ABI2: variants seen among roughly 807,000 people sequenced by gnomAD.
ABI2 encodes abl interactor 2.
In ABI2, 25 loss-of-function variants were observed where a neutral mutation model predicts 59.2. That is an observed-to-expected ratio of 0.42 (90% CI 0.31 to 0.59). ABI2 has a LOEUF of 0.59. Ranked by LOEUF, ABI2 falls within the 20% of genes least tolerant of loss-of-function variation. The pLI, the probability that ABI2 is intolerant of heterozygous loss-of-function variation, is 0.14. For missense variants in ABI2, 545 were observed against 681.8 expected, an observed-to-expected ratio of 0.80 and a Z score of 2.23; for synonymous variants, 213 against 235.5, an observed-to-expected ratio of 0.90 and a Z score of 0.87.
chr2:203,368,062 T>A (rs2094651719), intron 2 of ABI2, among the ~76,000 whole-genome samples: 1 of 152,168 alleles, frequency 6.6e-6, no homozygotes, highest in Non-Finnish European at 1.5e-5. Flanking sequence ...AGAATAGGTA[T>A]AAAATTTTGG....
At chr2:203,338,433 C>T (rs2077431541) in intron 1 of ABI2, among the ~76,000 whole-genome samples, 1 of 151,884 alleles carries the variant, frequency 6.6e-6, no homozygotes, top group African/African-American at 2.4e-5. Context: ...TGATGTAGCA[C>T]CATCCCTTTA....
At chr2:203,372,764 C>T (rs2095362244) in intron 2 of ABI2, among the ~76,000 whole-genome samples, 1 of 150,548 alleles carries the variant, frequency 6.6e-6, no homozygotes, top group African/African-American at 2.5e-5. Flanking sequence ...GGGGCGGTTG[C>T]CAGGCGGAGG....
At chr2:203,359,847 G>GC (rs1294918451) in intron 1 of ABI2, among the ~76,000 whole-genome samples, 1 of 13,584 alleles carries the variant, frequency 7.4e-5, no homozygotes, top group African/African-American at 1.3e-4. Flanking sequence ...TACATTTTTG[G>GC]GGGGGGGACA....
chr2:203,331,707 A>C (rs527264780), intron 1 of ABI2, among the ~76,000 whole-genome samples: 1 of 151,896 alleles, frequency 6.6e-6, no homozygotes, highest in African/African-American at 2.4e-5. Context: ...GCTCGAGTTA[A>C]CTAACCCAAC....
At chr2:203,330,982 T>C (rs1032729727) in intron 1 of ABI2, among the ~76,000 whole-genome samples, 6 of 152,210 alleles carry the variant, frequency 3.9e-5, no homozygotes, top group Admixed American at 1.3e-4. Context: ...ACTCAAAATT[T>C]AGTGTGGTGA....
chr2:203,331,158 A>G (rs1315381266), intron 1 of ABI2, among the ~76,000 whole-genome samples: 2 of 151,882 alleles, frequency 1.3e-5, no homozygotes, highest in African/African-American at 4.8e-5. Context: ...TAATTGGTAC[A>G]CTCTCAGGAT....
intron 4 of ABI2, among the ~76,000 whole-genome samples, chr2:203,382,658 G>A (rs1407059357): frequency 6.6e-6 from 1 of 151,684 alleles, no homozygotes; most frequent in Admixed American, 6.6e-5. Context: ...TTCTATAAAT[G>A]GTATGCTTTC....
chr2:203,397,809 C>T (rs1363856294), intron 8 of ABI2, among the ~76,000 whole-genome samples: 3 of 152,132 alleles, frequency 2.0e-5, no homozygotes, highest in African/African-American at 7.2e-5. Context: ...GCACACTGGT[C>T]ACGTGGCCAG....
intron 11 of ABI2, among the ~76,000 whole-genome samples, chr2:203,422,071 G>A (rs748672330): frequency 5.3e-5 from 8 of 152,156 alleles, no homozygotes; most frequent in Non-Finnish European, 1.0e-4. Context: ...TGAGGCCGGC[G>A]GATTGCTTGA....
chr2:203,425,201 T>C (rs2098390601), intron 11 of ABI2, among the ~76,000 whole-genome samples: 1 of 152,068 alleles, frequency 6.6e-6, no homozygotes, highest in African/African-American at 2.4e-5. Flanking sequence ...GAATTACTTT[T>C]CATGGGTTTG....
At chr2:203,347,861 T>C (rs2084723747) in intron 1 of ABI2, among the ~76,000 whole-genome samples, 1 of 152,192 alleles carries the variant, frequency 6.6e-6, no homozygotes. Flanking sequence ...ATTAACCTTT[T>C]GTAATGTTTT....
chr2:203,427,055 T>G, intron 11 of ABI2, 122 bp from the exon 12 acceptor site: 2 of 794,850 alleles, frequency 2.5e-6, no homozygotes, highest in East Asian at 5.2e-5. Context: ...GGTTGGTGTT[T>G]AGAAAGTCAC....
At chr2:203,331,624 TG>T (rs1407341883) in intron 1 of ABI2, among the ~76,000 whole-genome samples, 1 of 151,874 alleles carries the variant, frequency 6.6e-6, no homozygotes, top group African/African-American at 2.4e-5. Context: ...CTCCCCAAAG[TG>T]TTGGGATTAC....
At position 203,391,782 on chromosome 2, in the gene ABI2, C is replaced by T. The variant is rs1283633064; in HGVS notation, c.578+639C>T. ...GCTGCAGTGAGCCGTGATCATGCCA[C>T]TGTGCTGCAGCCTCAGTGGCAGAGT... is the stretch of plus-strand genomic sequence containing the variant. On this transcript the variant is annotated intron_variant, in intron 5 of 11. Transcript: ENST00000261018. 4.1e-5 allele frequency among the ~76,000 whole-genome samples: 6 copies of T among 147,050 alleles called. No individual in the cohort carries two copies. The South Asian group carries it at 1.1e-3, about 26-fold the overall frequency.
chr2:203,348,643 T>G (rs1354827732), intron 1 of ABI2, among the ~76,000 whole-genome samples: 1 of 152,192 alleles, frequency 6.6e-6, no homozygotes, highest in East Asian at 1.9e-4. Context: ...TTATTTTATC[T>G]TATTATTTTT....
intron 3 of ABI2, 91 bp from the exon 4 acceptor site, chr2:203,382,098 T>C (rs1325473711): frequency 2.6e-6 from 3 of 1,143,138 alleles, no homozygotes; most frequent in Non-Finnish European, 2.4e-6. Flanking sequence ...GTTTTTTCTT[T>C]TTTTCCTTTC....
chr2:203,416,864 T>C, intron 10 of ABI2, 44 bp from the exon 11 acceptor site: 1 of 1,522,732 alleles, frequency 6.6e-7, no homozygotes, highest in Non-Finnish European at 8.8e-7. Context: ...AATACTGAAC[T>C]TTGCATAACA....
At chr2:203,404,922 G>C (rs1023608261) in intron 9 of ABI2, among the ~76,000 whole-genome samples, 2 of 152,082 alleles carry the variant, frequency 1.3e-5, no homozygotes, top group Non-Finnish European at 2.9e-5. Flanking sequence ...GAACTCTGTA[G>C]GTAGAATTTA....
chr2:203,409,511 A>G (rs1003898512), intron 9 of ABI2, among the ~76,000 whole-genome samples: 3 of 152,174 alleles, frequency 2.0e-5, no homozygotes, highest in Admixed American at 1.3e-4. Context: ...TTTCTTTCCC[A>G]GTACTACCTA....
Sources: gnomAD v4.1 joint callset for allele counts (sites outside exome capture counted in the v4.1 genomes callset) on GRCh38, gnomAD v4.1.1 for gene constraint, MANE v1.5 for transcripts, NCBI Gene and HGNC (gene_info 2026-07-23, HGNC 2026-07-21) for gene names.